The following DLGAP2 variants were observed in gnomAD, a reference collection of about 807,000 sequenced individuals.
DLGAP2 encodes DLG associated protein 2.
DLGAP2 carries 26 observed loss-of-function variants against 100.3 expected under a neutral mutation model. That is an observed-to-expected ratio of 0.26 (90% confidence interval 0.19 to 0.36). DLGAP2 has a LOEUF of 0.36. Ranked by LOEUF, DLGAP2 falls within the 10% of genes least tolerant of loss-of-function variation. The probability of loss-of-function intolerance (pLI) is 1.00; values close to 1 mark genes in which losing one functional copy is unlikely to be tolerated. For missense variants in DLGAP2, 1,858 were observed against 1,453.2 expected, an observed-to-expected ratio of 1.28 and a Z score of -4.53; for synonymous variants, 886 against 630.1, an observed-to-expected ratio of 1.41 and a Z score of -6.08.
At chr8:887,133 T>C (rs1797938662) in intron 1 of DLGAP2, among the ~76,000 whole-genome samples, 1 of 152,200 alleles carries the variant, frequency 6.6e-6, no homozygotes, top group Non-Finnish European at 1.5e-5. Flanking sequence ...TGCTCTTCTT[T>C]GCCATTTTTG....
intron 2 of DLGAP2, among the ~76,000 whole-genome samples, chr8:1,193,243 G>A (rs968735565): frequency 7.2e-5 from 11 of 152,096 alleles, no homozygotes; most frequent in Non-Finnish European, 1.5e-4. Context: ...TTGAGGAATC[G>A]CCACACCGTC....
intron 3 of DLGAP2, among the ~76,000 whole-genome samples, chr8:1,463,928 C>T (rs1185368650): frequency 1.3e-5 from 2 of 152,186 alleles, no homozygotes; most frequent in Non-Finnish European, 2.9e-5. Flanking sequence ...ACACGTGGAG[C>T]TTTCACAGTT....
chr8:1,125,531 A>T (rs1405119595), intron 2 of DLGAP2, among the ~76,000 whole-genome samples: 2 of 152,222 alleles, frequency 1.3e-5, no homozygotes, highest in African/African-American at 4.8e-5. Context: ...CATGCAGATG[A>T]AAACAACTCA....
At chr8:738,352 G>T (rs1820376944) in intron 1 of DLGAP2, among the ~76,000 whole-genome samples, 1 of 151,966 alleles carries the variant, frequency 6.6e-6, no homozygotes, top group Non-Finnish European at 1.5e-5. Flanking sequence ...GGGGGCGGGG[G>T]CGACCAGGAT....
At chr8:1,175,606 C>T (rs779671388) in intron 2 of DLGAP2, among the ~76,000 whole-genome samples, 5 of 152,168 alleles carry the variant, frequency 3.3e-5, no homozygotes, top group Admixed American at 2.0e-4. Flanking sequence ...AAATGCCAGT[C>T]TGTCTCTGAG....
chr8:945,395 A>G (rs999098773), intron 2 of DLGAP2, among the ~76,000 whole-genome samples: 3 of 152,202 alleles, frequency 2.0e-5, no homozygotes, highest in Admixed American at 6.5e-5. Context: ...TGAAACTGAC[A>G]TGTTGTTTGA....
chr8:793,576 T>G (rs896118638), intron 1 of DLGAP2, among the ~76,000 whole-genome samples: 1 of 152,248 alleles, frequency 6.6e-6, no homozygotes, highest in African/African-American at 2.4e-5. Flanking sequence ...ATTATTTCTT[T>G]CTTTTACTCC....
chr8:830,996 A>C (rs1286949974), intron 1 of DLGAP2, among the ~76,000 whole-genome samples: 1 of 151,232 alleles, frequency 6.6e-6, no homozygotes, highest in Non-Finnish European at 1.5e-5. Flanking sequence ...CCCGAGTTCA[A>C]GCGATTCTCC....
chr8:1,481,471 C>CTTTTTTTTTTTTTTTTTTTTTT (rs1165790168), intron 3 of DLGAP2, among the ~76,000 whole-genome samples: 2 of 43,700 alleles, frequency 4.6e-5, no homozygotes, highest in African/African-American at 6.9e-5. Flanking sequence ...TTTTCTTTTT[C>CTTTTTTTTTTTTTTTTTTTTTT]TTTTTTTTTT....
chr8:808,791 ACTTTCT>A (rs1349719239), intron 1 of DLGAP2, among the ~76,000 whole-genome samples: 5 of 152,074 alleles, frequency 3.3e-5, no homozygotes, highest in Non-Finnish European at 7.4e-5. Flanking sequence ...GTGTGCTAAC[ACTTTCT>A]CTTTGAGAGA....
chr8:1,023,213 A>T (rs1336047470), intron 2 of DLGAP2, among the ~76,000 whole-genome samples: 1 of 152,218 alleles, frequency 6.6e-6, no homozygotes, highest in African/African-American at 2.4e-5. Context: ...CTCAAAGAGT[A>T]TCTGGTCAGG....
intron 1 of DLGAP2, among the ~76,000 whole-genome samples, chr8:805,333 C>G (rs28704045): frequency 0.25 from 37,824 of 152,084 alleles, 5,858 homozygotes; most frequent in African/African-American, 0.44. Context: ...GGAAGCCCTT[C>G]TGATCGCCAG....
chr8:1,374,334 G>A (rs192271608), intron 3 of DLGAP2, among the ~76,000 whole-genome samples: 2 of 151,832 alleles, frequency 1.3e-5, no homozygotes, highest in Admixed American at 6.6e-5. Flanking sequence ...CATGCAGCCC[G>A]CAAAACACCC....
chr8:1,271,867 T>G (rs1199498007), intron 3 of DLGAP2, among the ~76,000 whole-genome samples: 4 of 152,198 alleles, frequency 2.6e-5, no homozygotes, highest in Admixed American at 2.6e-4. Context: ...CAGGCTGGAG[T>G]TCAGTGGTGC....
chr8:1,638,794 CAGG>C (rs1477395124), intron 8 of DLGAP2, among the ~76,000 whole-genome samples: 2 of 152,166 alleles, frequency 1.3e-5, no homozygotes, highest in African/African-American at 2.4e-5. Context: ...CCGGGGAGTC[CAGG>C]AGGAGAGGCC....
chr8:1,167,158 C>A (rs10087098), intron 2 of DLGAP2, among the ~76,000 whole-genome samples: 113,103 of 151,160 alleles, frequency 0.75, 43,658 homozygotes, highest in Non-Finnish European at 0.84. Context: ...AAGAAAAAAA[C>A]AATTTGTAAA....
chr8:1,527,307 G>A (rs1005196607), intron 4 of DLGAP2, among the ~76,000 whole-genome samples: 3 of 152,240 alleles, frequency 2.0e-5, no homozygotes, highest in African/African-American at 7.2e-5. Flanking sequence ...CCCGGCTCCA[G>A]CCAGAGGCCC....
intron 3 of DLGAP2, among the ~76,000 whole-genome samples, chr8:1,272,018 G>T (rs114337079): frequency 0.011 from 1,689 of 152,092 alleles, 30 homozygotes; most frequent in African/African-American, 0.038. Context: ...TTCACTACAC[G>T]TTGGCCAAGT....
chr8:832,931 A>C (rs1488851590), intron 1 of DLGAP2, among the ~76,000 whole-genome samples: 2 of 152,172 alleles, frequency 1.3e-5, no homozygotes, highest in African/African-American at 4.8e-5. Flanking sequence ...TAATGGGATG[A>C]TGGCTACAGG....
Sources: allele counts gnomAD v4.1 joint callset (sites outside exome capture counted in the v4.1 genomes callset), GRCh38; gene constraint gnomAD v4.1.1; transcripts MANE v1.5; gene names NCBI Gene and HGNC (gene_info 2026-07-23, HGNC 2026-07-21).